Variants in TENM4 observed in about 807,000 individuals in gnomAD.
TENM4 encodes the protein teneurin-4.
In TENM4, 82 loss-of-function variants were observed where a neutral mutation model predicts 243.3. The ratio of observed to expected loss-of-function variants is 0.34; its 90% CI spans 0.28 to 0.40. TENM4 has a LOEUF of 0.40. TENM4 is among the 10% of genes least tolerant of loss of function. TENM4 has a pLI of 1.00. For missense variants in TENM4, 3,138 were observed against 3,673.3 expected (o/e 0.85, Z 3.77); for synonymous variants, 1,412 against 1,456.3 (o/e 0.97, Z 0.69).
chr11:78,716,872 G>C (rs572298422), intron 25 of TENM4, among the ~76,000 whole-genome samples: 197 of 152,324 alleles, frequency 1.3e-3, no homozygotes, highest in Non-Finnish European at 2.5e-3. Flanking sequence ...TTGCTTGTCT[G>C]TATTTTGAGC....
At position 78,982,592 on chromosome 11, in the gene TENM4, A is replaced by G. The variant is rs547018013; in HGVS notation, c.494-79069T>C. Among the ~76,000 whole-genome samples, 29 of 152,286 alleles carry G rather than the reference A, an allele frequency of 1.9e-4. No homozygotes were observed. The South Asian group carries it at 5.8e-3, about 30-fold the overall frequency. On this transcript the variant is annotated intron_variant, in intron 6 of 33. Coordinates refer to ENST00000278550, the MANE Select transcript of TENM4 (RefSeq NM_001098816.3). ...ACACCCCCAATAGGCCCTGTGGCCC[A>G]GGGATGCATTCACACTCACTGGAAA...
At chr11:79,268,165 G>A (rs1855911461) in intron 2 of TENM4, among the ~76,000 whole-genome samples, 2 of 152,206 alleles carry the variant, frequency 1.3e-5, no homozygotes, top group South Asian at 2.1e-4. Context: ...GAGAAAATCT[G>A]GAGTACTACA....
rs149338234 is a variant in TENM4, at chr11:78,666,976, A to G, written c.7408+1961T>C. ...TTTTTGATAGAAAAGTACATTTCCT[A>G]TTGCACCATGTTTTTTTTCAGCTAC... On this transcript the variant is annotated intron_variant, in intron 32 of 33. Transcript: ENST00000278550. 1.8e-3 allele frequency among the ~76,000 whole-genome samples: 269 copies of G among 152,252 alleles called. 2 individuals carry two copies. The highest frequency in any genetic ancestry group is 6.2e-3 in the African/African-American group (257 of 41,542).
chr11:79,041,824 T>G (rs929314198), intron 6 of TENM4, among the ~76,000 whole-genome samples: 4 of 152,240 alleles, frequency 2.6e-5, no homozygotes, highest in African/African-American at 9.6e-5. Context: ...TAGTTTGTAG[T>G]TAATTCACTC....
rs1366603218 is a variant in TENM4 at position 79,138,906 on chromosome 11, TATAAATATATATTACATTTCC to T, written c.-66+9783_-66+9803del. The stretch of plus-strand genomic sequence containing the variant: ...ATATATAAAATATATATTATATTTC[TATAAATATATATTACATTTCC>T]ATAAATATATAAAATATATATTATA... On this transcript the variant is annotated intron_variant, in intron 4 of 33. Coordinates refer to ENST00000278550, the MANE Select transcript of TENM4 (RefSeq NM_001098816.3). Among the ~76,000 whole-genome samples, 29 of 109,664 alleles carry T rather than the reference TATAAATATATATTACATTTCC, an allele frequency of 2.6e-4. No individual in the cohort carries two copies. The South Asian group carries it at 4.0e-3, about 15-fold the overall frequency. The allele number at this position is 109,664 out of a possible 152,430, so 71.9% of individuals were successfully genotyped here. A position where few individuals can be genotyped will look rare whatever the true frequency, so the allele number is the denominator to read the frequency against.
chr11:79,034,409 T>C (rs192815903), intron 6 of TENM4, among the ~76,000 whole-genome samples: 1 of 152,280 alleles, frequency 6.6e-6, no homozygotes, highest in Non-Finnish European at 1.5e-5. Flanking sequence ...TGCTGCCTTA[T>C]GAAGGCGCAA....
At chr11:79,397,644 G>T (rs1858373175) in intron 1 of TENM4, among the ~76,000 whole-genome samples, 2 of 152,188 alleles carry the variant, frequency 1.3e-5, no homozygotes, top group African/African-American at 4.8e-5. Context: ...GAATGCAAAG[G>T]GTTAGGAGGC....
At chr11:78,964,417 C>T (rs960450091) in intron 6 of TENM4, among the ~76,000 whole-genome samples, 3 of 152,128 alleles carry the variant, frequency 2.0e-5, no homozygotes, top group African/African-American at 2.4e-5. Context: ...GATGTGTGTG[C>T]CACTTGGCTG....
At chr11:79,204,691 G>A (rs1863813659) in intron 3 of TENM4, among the ~76,000 whole-genome samples, 1 of 152,194 alleles carries the variant, frequency 6.6e-6, no homozygotes, top group African/African-American at 2.4e-5. Flanking sequence ...GTTTAGTAGA[G>A]CTGCAGATGT....
intron 12 of TENM4, among the ~76,000 whole-genome samples, chr11:78,845,098 T>C (rs537040847): frequency 5.4e-4 from 83 of 152,322 alleles, no homozygotes; most frequent in Middle Eastern, 3.4e-3. Flanking sequence ...TCTGCTCCCA[T>C]GGAGCTCCCA....
Position 79,069,709 on chromosome 11 carries a change from G to A in TENM4, c.223+13C>T. The A allele has an allele frequency of 5.2e-6, 8 of 1,547,072 alleles. No homozygotes were observed. The highest frequency in any genetic ancestry group is 7.0e-6 in the Non-Finnish European group (8 of 1,145,282). ...CCTGCGCCTGAGGCCCGCCCCCTCGGCCTTGTCCTTACCTGTGCGGCAGAA... is the reference window on the plus strand; with the variant it reads ...CCTGCGCCTGAGGCCCGCCCCCTCGACCTTGTCCTTACCTGTGCGGCAGAA... On this transcript the variant is annotated intron_variant, in intron 5 of 33. Transcript: ENST00000278550.
At chr11:79,401,886 T>G (rs1401475372) in intron 1 of TENM4, 1 of 219,802 alleles carries the variant, frequency 4.5e-6, no homozygotes, top group Admixed American at 4.1e-5. Context: ...ACACTGAAGA[T>G]GCTGGAGAGC....
chr11:78,874,799 G>T lies in TENM4; in HGVS notation c.1085-11667C>A, dbSNP rs551814544. Among the ~76,000 whole-genome samples the T allele has an allele frequency of 3.9e-5, 6 of 152,304 alleles. No homozygotes were observed. In the East Asian group the frequency reaches 1.2e-3, roughly 29 times the overall value. On this transcript the variant is annotated intron_variant, in intron 9 of 33. Transcript: ENST00000278550. ...AGATGATCTGAGTGGTAAAATTTGA[G>T]ACAATGTGATGAAATGGAGGCCACA...
intron 17 of TENM4, among the ~76,000 whole-genome samples, chr11:78,778,379 C>G (rs1856777818): frequency 6.6e-6 from 1 of 152,050 alleles, no homozygotes; most frequent in African/African-American, 2.4e-5. Flanking sequence ...CAGATCTGAG[C>G]ATCTTGTGGG....
At chr11:79,152,150 C>T (rs1180252132) in intron 3 of TENM4, among the ~76,000 whole-genome samples, 2 of 152,160 alleles carry the variant, frequency 1.3e-5, no homozygotes, top group African/African-American at 4.8e-5. Flanking sequence ...TCCATTGAGC[C>T]TGAGGTTTCT....
intron 1 of TENM4, among the ~76,000 whole-genome samples, chr11:79,401,124 G>A (rs541254688): frequency 2.7e-4 from 41 of 152,322 alleles, no homozygotes; most frequent in African/African-American, 9.4e-4. Context: ...TAATACAAGG[G>A]ATCCATGGAG....
intron 3 of TENM4, among the ~76,000 whole-genome samples, chr11:79,198,827 T>C (rs956436016): frequency 3.3e-5 from 5 of 152,288 alleles, no homozygotes; most frequent in African/African-American, 1.2e-4. Context: ...AGGGAGATGA[T>C]GGCACTTGAA....
At chr11:78,983,743 C>A (rs963326155) in intron 6 of TENM4, among the ~76,000 whole-genome samples, 1 of 146,264 alleles carries the variant, frequency 6.8e-6, no homozygotes, top group Non-Finnish European at 1.5e-5. Flanking sequence ...CCTCTAGAGG[C>A]CTTTGAGGCC....
At chr11:78,734,213 A>G (rs1855736174) in intron 20 of TENM4, among the ~76,000 whole-genome samples, 1 of 151,968 alleles carries the variant, frequency 6.6e-6, no homozygotes, top group Admixed American at 6.6e-5. Flanking sequence ...AATAAAAAAT[A>G]AAAAATAAAA....
Sources: allele counts gnomAD v4.1 joint callset (sites outside exome capture counted in the v4.1 genomes callset), GRCh38; gene constraint gnomAD v4.1.1; transcripts MANE v1.5; gene names NCBI Gene and HGNC (gene_info 2026-07-23, HGNC 2026-07-21).